Variants in PCBP2 observed in about 807,000 individuals in gnomAD.
The protein encoded by PCBP2 is poly(rC) binding protein 2.
In PCBP2, 4 loss-of-function variants were observed where a neutral mutation model predicts 50.1. That is an observed-to-expected ratio of 0.08 (90% confidence interval 0.04 to 0.18). PCBP2 has a LOEUF of 0.18. Among genes scored for constraint, PCBP2 ranks in the 10% least tolerant of loss-of-function variants. PCBP2 has a pLI of 1.00. For synonymous variants in PCBP2, 179 were observed against 168.0 expected (o/e 1.07, Z -0.51); for missense variants, 161 against 474.3 (o/e 0.34, Z 6.14).
At position 53,467,467 on chromosome 12, in the gene PCBP2, T is replaced by A; in HGVS notation, c.787+174T>A. 4.4e-6 allele frequency: 3 copies of A among 689,260 alleles called. No individual in the cohort carries two copies. In the South Asian group the frequency reaches 4.7e-5, roughly 11 times the overall value. The allele number at this position is 689,260 out of a possible 1,614,324, so 42.7% of individuals were successfully genotyped here. A position where few individuals can be genotyped will look rare whatever the true frequency, so the allele number is the denominator to read the frequency against. On this transcript the variant is annotated intron_variant, in intron 11 of 14. Transcript: ENST00000546463. ...GGAGGTAATGTGTTTGTTAACGTGG[T>A]TTTCATTTGGGGTCAGTTATTCTAA...
chr12:53,479,709 T>C lies in PCBP2; in HGVS notation c.*267T>C. 1 of 156,170 alleles carries C rather than the reference T, an allele frequency of 6.4e-6. No homozygotes were observed. The highest frequency in any genetic ancestry group is 9.7e-5 in the East Asian group (1 of 10,282). 9.7% of individuals were successfully genotyped at this position (156,170 alleles called of 1,614,324 possible). ...GGCTCATGAATTTTTCTGTTTGTCA[T>C]GGAAATGTAAGAGTGGAATATTAAT... On this transcript the variant is annotated 3_prime_UTR_variant, in exon 15 of 15. Transcript: ENST00000546463.
intron 14 of PCBP2, chr12:53,475,484 T>C (rs1942520100): frequency 3.7e-6 from 1 of 270,528 alleles, no homozygotes. Context: ...TTTGTAGCTT[T>C]ATTCTGCCTT....
chr12:53,460,933 T>G, intron 6 of PCBP2, 82 bp from the exon 7 acceptor site: 1 of 1,473,510 alleles, frequency 6.8e-7, no homozygotes, highest in South Asian at 1.2e-5. Context: ...TACTAGAGTT[T>G]TAGGCTCTGA....
chr12:53,467,367 C>T, intron 11 of PCBP2, 74 bp downstream of exon 11: 4 of 1,248,988 alleles, frequency 3.2e-6, no homozygotes, highest in Non-Finnish European at 4.7e-6. Context: ...CTCAGCTTGA[C>T]ATCTGTTTAA....
Position 53,476,303 on chromosome 12 carries a change from A to T in PCBP2, c.1053-3103A>T, listed in dbSNP as rs11835985. Among the ~76,000 whole-genome samples, 1,315 of 152,314 alleles carry T rather than the reference A, an allele frequency of 8.6e-3. 17 individuals carry two copies. The highest frequency in any genetic ancestry group is 0.031 in the African/African-American group (1,269 of 41,562). Reference sequence around the variant, plus strand: ...CCTTAAGGATCAACTAATCTGTAACACATTGATCCCCTCATTTTACAGATT... The same window carrying T: ...CCTTAAGGATCAACTAATCTGTAACTCATTGATCCCCTCATTTTACAGATT... On this transcript the variant is annotated intron_variant, in intron 14 of 14. Transcript: ENST00000546463.
At chr12:53,465,772 C>G (rs1472555398) in intron 9 of PCBP2, among the ~76,000 whole-genome samples, 160 bp from the exon 10 acceptor site, 2 of 152,228 alleles carry the variant, frequency 1.3e-5, no homozygotes, top group East Asian at 3.8e-4. Flanking sequence ...CAATTTGGGT[C>G]TGACCATATT....
intron 1 of PCBP2, 127 bp downstream of exon 1, chr12:53,452,503 C>T (rs1420288135): frequency 6.6e-6 from 1 of 151,694 alleles, no homozygotes; most frequent in Admixed American, 6.6e-5. Context: ...GCGCCTACCA[C>T]CTCACTGTGC....
At chr12:53,459,190 CCCTAATAAG>C (rs1941265576) in intron 5 of PCBP2, 73 bp from the exon 6 acceptor site, 1 of 1,270,638 alleles carries the variant, frequency 7.9e-7, no homozygotes, top group African/African-American at 1.5e-5. Context: ...AGATCACTTA[CCCTAATAAG>C]GGTAAGTGGT....
At chr12:53,465,345 G>C (rs1941745327) in intron 9 of PCBP2, among the ~76,000 whole-genome samples, 1 of 152,122 alleles carries the variant, frequency 6.6e-6, no homozygotes, top group Non-Finnish European at 1.5e-5. Flanking sequence ...ATGGAGGGGA[G>C]GTGGGAGAAG....
At chr12:53,474,469 TC>T (rs1565873344) in intron 14 of PCBP2, among the ~76,000 whole-genome samples, 1 of 152,264 alleles carries the variant, frequency 6.6e-6, no homozygotes, top group African/African-American at 2.4e-5. Flanking sequence ...TAATTGATTT[TC>T]TGTTAGAATA....
intron 5 of PCBP2, among the ~76,000 whole-genome samples, chr12:53,458,002 C>T (rs1475839129): frequency 6.6e-6 from 1 of 152,168 alleles, no homozygotes; most frequent in Admixed American, 6.5e-5. Context: ...GTTCCCGGCT[C>T]ACCGTAACCT....
At chr12:53,464,232 C>G (rs767242557) in intron 8 of PCBP2, among the ~76,000 whole-genome samples, 1 of 152,034 alleles carries the variant, frequency 6.6e-6, no homozygotes, top group African/African-American at 2.4e-5. Flanking sequence ...ATCCTCTGTA[C>G]TTAAAATTCT....
intron 6 of PCBP2, chr12:53,460,287 G>A (rs565376674): frequency 7.3e-5 from 21 of 286,618 alleles, no homozygotes; most frequent in South Asian, 5.4e-4. Context: ...CCATAGGCGC[G>A]CTCCACAATG....
At position 53,468,838 on chromosome 12, in the gene PCBP2, T is replaced by A; in HGVS notation, c.882+6T>A. On this transcript the variant is annotated splice_donor_region_variant and intron_variant, in intron 13 of 14. Coordinates refer to ENST00000546463, the MANE Select transcript of PCBP2 (RefSeq NM_031989.5). Reference sequence around the variant, plus strand: ...AACTCACCATTCCAAACGATGTAAGTGTAGTTAGGTTGCATGGGATGAAAA... The same window carrying A: ...AACTCACCATTCCAAACGATGTAAGAGTAGTTAGGTTGCATGGGATGAAAA... The A allele has an allele frequency of 6.2e-7, 1 of 1,605,352 alleles. No individual in the cohort carries two copies. The highest frequency in any genetic ancestry group is 8.5e-7 in the Non-Finnish European group (1 of 1,172,146).
At chr12:53,456,981 C>G (rs879400953) in intron 5 of PCBP2, among the ~76,000 whole-genome samples, 1 of 152,142 alleles carries the variant, frequency 6.6e-6, no homozygotes, top group Non-Finnish European at 1.5e-5. Flanking sequence ...GAACTCATGG[C>G]TTAGAAAACA....
In PCBP2 at chr12:53,459,395, A is replaced by C; in HGVS notation, c.367A>C (p.Ile123Leu). The C allele has an allele frequency of 6.2e-7, 1 of 1,611,700 alleles. No homozygotes were observed. The highest frequency in any genetic ancestry group is 8.5e-7 in the Non-Finnish European group (1 of 1,178,614). Reference sequence around the variant, plus strand: ...AAAAGGTGGATGCAAGATCAAGGAAATACGAGAGGTTAGTGACTTTTGTCG... The same window carrying C: ...AAAAGGTGGATGCAAGATCAAGGAACTACGAGAGGTTAGTGACTTTTGTCG... ...IGKGGCKIKE[I>L]RESTGAQVQV... Residue 123 changes from isoleucine (I) to leucine (L), a missense_variant, in exon 6 of 15, where the codon ATA becomes CTA. Ile to Leu is a conservative substitution (Grantham distance 5). Coordinates refer to ENST00000546463, the MANE Select transcript of PCBP2 (RefSeq NM_031989.5).
At chr12:53,456,057 T>C (rs1235047642) in intron 5 of PCBP2, 56 bp downstream of exon 5, 2 of 1,090,728 alleles carry the variant, frequency 1.8e-6, no homozygotes, top group Non-Finnish European at 2.8e-6. Context: ...AGAGAGCTTG[T>C]TGATTTTCTA....
chr12:53,453,327 A>G (rs1940729675), intron 1 of PCBP2: 1 of 152,174 alleles, frequency 6.6e-6, no homozygotes, highest in African/African-American at 2.4e-5. Flanking sequence ...CTTATTAAAA[A>G]AAGAAAGTCA....
At position 53,471,628 on chromosome 12, in the gene PCBP2, C is replaced by T; in HGVS notation, c.883-10C>T. 6.2e-7 allele frequency: 1 copy of T among 1,600,774 alleles called. No individual in the cohort carries two copies. Among genetic ancestry groups the T allele is most frequent in the Non-Finnish European group, 8.5e-7 (1 of 1,173,208 alleles). On this transcript the variant is annotated splice_polypyrimidine_tract_variant and intron_variant, in intron 13 of 14. Coordinates refer to ENST00000546463, the MANE Select transcript of PCBP2 (RefSeq NM_031989.5). ...AATTCGGTGTGCCTTGTTTTTCTTT[C>T]TCCCTTAAGTTGATTGGCTGCATAA... is the stretch of plus-strand genomic sequence containing the variant.
Sources: gnomAD v4.1 joint callset for allele counts (sites outside exome capture counted in the v4.1 genomes callset) on GRCh38, gnomAD v4.1.1 for gene constraint, MANE v1.5 for transcripts, NCBI Gene and HGNC (gene_info 2026-07-23, HGNC 2026-07-21) for gene names.